The following LRRC28 variants were observed in gnomAD, a reference collection of about 807,000 sequenced individuals.
The protein encoded by LRRC28 is leucine rich repeat containing 28.
Under a neutral mutation model 45.7 loss-of-function variants are expected in LRRC28, and 39 were observed. That is an observed-to-expected ratio of 0.85 (90% CI 0.66 to 1.12). LRRC28 has a LOEUF of 1.12. Ranked by LOEUF, LRRC28 falls within the 50% of genes most tolerant of loss-of-function variation. LRRC28 has a pLI of 0.00. For synonymous variants in LRRC28, 206 were observed against 178.8 expected, an observed-to-expected ratio of 1.15 and a Z score of -1.22; for missense variants, 435 against 438.5, an observed-to-expected ratio of 0.99 and a Z score of 0.07.
At chr15:99,340,614 G>A (rs190472153) in intron 6 of LRRC28, among the ~76,000 whole-genome samples, 19 of 152,252 alleles carry the variant, frequency 1.2e-4, no homozygotes, top group Non-Finnish European at 2.5e-4. Context: ...TGGCCTTGAC[G>A]TCATTATTTA....
rs1958056448 is a variant in LRRC28, at chr15:99,387,373, T to G, written c.*1271T>G. The G allele has an allele frequency of 6.6e-6, 1 of 152,296 alleles. No individual in the cohort carries two copies. The highest frequency in any genetic ancestry group is 2.4e-5 in the African/African-American group (1 of 41,466). The allele number at this position is 152,296 out of a possible 1,614,324, so 9.4% of individuals were successfully genotyped here. ...CCGCGCCCGGCCCACTACTGGTTTT[T>G]AACAGGATGATTCAAAGTACAGCCC... On this transcript the variant is annotated 3_prime_UTR_variant, in exon 10 of 10. Transcript: ENST00000301981.
At chr15:99,263,096 G>A (rs7171061) in intron 2 of LRRC28, among the ~76,000 whole-genome samples, 14,156 of 150,234 alleles carry the variant, frequency 0.094, 948 homozygotes, top group East Asian at 0.32. Context: ...GATCACTTGA[G>A]CTCAGGAGTT....
intron 2 of LRRC28, chr15:99,258,718 C>A (rs1006022875): frequency 9.9e-6 from 7 of 710,296 alleles, no homozygotes; most frequent in Non-Finnish European, 1.9e-5. Flanking sequence ...AAAGTGATGA[C>A]CCTGTGGCTT....
chr15:99,324,659 A>G (rs1465976416), intron 5 of LRRC28, among the ~76,000 whole-genome samples: 5 of 152,200 alleles, frequency 3.3e-5, no homozygotes, highest in East Asian at 1.9e-4. Context: ...AGTAATTACT[A>G]TGTGGCAATA....
intron 3 of LRRC28, among the ~76,000 whole-genome samples, chr15:99,281,492 C>T (rs922047163): frequency 2.0e-5 from 3 of 151,052 alleles, no homozygotes; most frequent in Non-Finnish European, 4.4e-5. Context: ...TTCATATTTT[C>T]ATTTAAATAG....
chr15:99,377,316 A>AAT (rs1567710764), intron 9 of LRRC28, among the ~76,000 whole-genome samples: 2 of 151,788 alleles, frequency 1.3e-5, no homozygotes, highest in Non-Finnish European at 1.5e-5. Flanking sequence ...GCATTTTTTC[A>AAT]TGTGTTTTTT....
At position 99,389,798 on chromosome 15, in the gene LRRC28, G is replaced by T. The variant is rs184929386; in HGVS notation, c.*3696G>T. ...AACAAAGGGGGTTTTTATAAAGTTTGTATTTTTGAAACTAGCTCTATGTCT... is the reference window on the plus strand; with the variant it reads ...AACAAAGGGGGTTTTTATAAAGTTTTTATTTTTGAAACTAGCTCTATGTCT... On this transcript the variant is annotated 3_prime_UTR_variant, in exon 10 of 10. Coordinates refer to ENST00000301981, the MANE Select transcript of LRRC28 (RefSeq NM_144598.5). 1.6e-4 allele frequency: 25 copies of T among 152,234 alleles called. No homozygotes were observed. The East Asian group carries it at 4.6e-3, about 28-fold the overall frequency. The allele number at this position is 152,234 out of a possible 1,614,324, so 9.4% of individuals were successfully genotyped here.
At chr15:99,341,034 A>T (rs1012981789) in intron 6 of LRRC28, among the ~76,000 whole-genome samples, 1 of 149,370 alleles carries the variant, frequency 6.7e-6, no homozygotes, top group Non-Finnish European at 1.5e-5. Context: ...TGTAACAAAA[A>T]CTCTTCTTTA....
At position 99,334,057 on chromosome 15, in the gene LRRC28, C is replaced by G. The variant is rs769522349; in HGVS notation, c.520C>G (p.Arg174Gly). 1 of 1,614,010 alleles carries G rather than the reference C, an allele frequency of 6.2e-7. No individual in the cohort carries two copies. The highest frequency in any genetic ancestry group is 8.5e-7 in the Non-Finnish European group (1 of 1,180,000). Residue 174 changes from arginine to glycine, a missense_variant, in exon 6 of 10, where the codon CGC (arginine) becomes GGC (glycine). Transcript: ENST00000301981. ...VDRNRLWYVP[R>G]HLCQLPSLNE... is the part of the protein sequence containing the mutation. ...CCGAAATCGTCTATGGTATGTGCCG[C>G]GCCATCTCTGCCAGCTGCCCAGCCT...
At chr15:99,281,964 T>C (rs1396001084) in intron 3 of LRRC28, among the ~76,000 whole-genome samples, 1 of 152,022 alleles carries the variant, frequency 6.6e-6, no homozygotes, top group South Asian at 2.1e-4. Context: ...ATTTTTCTTC[T>C]ATTATTTTTT....
chr15:99,368,187 CTTAAG>C (rs1269873107), intron 9 of LRRC28, among the ~76,000 whole-genome samples: 1 of 152,184 alleles, frequency 6.6e-6, no homozygotes, highest in Non-Finnish European at 1.5e-5. Flanking sequence ...AGCATCAACC[CTTAAG>C]TTCAAAATCT....
chr15:99,363,275 C>G lies in LRRC28; in HGVS notation c.1031+10C>G. The G allele has an allele frequency of 6.2e-7, 1 of 1,613,334 alleles. No homozygotes were observed. Among genetic ancestry groups the G allele is most frequent in the Non-Finnish European group, 8.5e-7 (1 of 1,179,628 alleles). On this transcript the variant is annotated intron_variant, in intron 9 of 9. Coordinates refer to ENST00000301981, the MANE Select transcript of LRRC28 (RefSeq NM_144598.5). ...CAGGGCTGCACCAGTGGTAATCATGCCTAAGTGGGCACCAGGGTTTACACC... is the reference window on the plus strand; with the variant it reads ...CAGGGCTGCACCAGTGGTAATCATGGCTAAGTGGGCACCAGGGTTTACACC...
At chr15:99,366,844 A>G (rs1957353449) in intron 9 of LRRC28, among the ~76,000 whole-genome samples, 1 of 152,168 alleles carries the variant, frequency 6.6e-6, no homozygotes, top group East Asian at 1.9e-4. Flanking sequence ...GGGCTATACA[A>G]TTCAACCCAT....
chr15:99,378,488 G>C (rs189707960), intron 9 of LRRC28, among the ~76,000 whole-genome samples: 2 of 152,310 alleles, frequency 1.3e-5, no homozygotes, highest in South Asian at 4.2e-4. Flanking sequence ...TCTGCAAACA[G>C]GGACAGTTTG....
intron 6 of LRRC28, among the ~76,000 whole-genome samples, chr15:99,348,837 C>T (rs1433718561): frequency 1.3e-5 from 2 of 151,112 alleles, no homozygotes; most frequent in Non-Finnish European, 1.5e-5. Flanking sequence ...TTTGATAGAC[C>T]TTATATTAAA....
At chr15:99,366,507 A>G (rs1187084753) in intron 9 of LRRC28, among the ~76,000 whole-genome samples, 10 of 152,190 alleles carry the variant, frequency 6.6e-5, no homozygotes, top group Admixed American at 6.5e-4. Flanking sequence ...TTATTTTCCC[A>G]TAGTTCTGGA....
At chr15:99,350,090 T>G (rs1422945232) in intron 6 of LRRC28, among the ~76,000 whole-genome samples, 1 of 146,098 alleles carries the variant, frequency 6.8e-6, no homozygotes, top group African/African-American at 2.5e-5. Context: ...GAGCTGAGAT[T>G]GCGCCACTGC....
At chr15:99,284,646 T>A in intron 3 of LRRC28, 1 of 516,742 alleles carries the variant, frequency 1.9e-6, no homozygotes, top group Non-Finnish European at 3.8e-6. Context: ...CTGCCATAGC[T>A]GCTGCTGCTA....
At chr15:99,284,784 C>G (rs1186818304) in intron 3 of LRRC28, 4 of 534,478 alleles carry the variant, frequency 7.5e-6, no homozygotes, top group South Asian at 1.4e-5. Flanking sequence ...CTGACTATTG[C>G]AATTGTCAAA....
Sources: gnomAD v4.1 joint callset for allele counts (sites outside exome capture counted in the v4.1 genomes callset) on GRCh38, gnomAD v4.1.1 for gene constraint, MANE v1.5 for transcripts, NCBI Gene and HGNC (gene_info 2026-07-23, HGNC 2026-07-21) for gene names.